The following TWIST2 variants were observed in gnomAD, a reference collection of about 807,000 sequenced individuals.
TWIST2 encodes the protein twist family bHLH transcription factor 2, also known as twist-related protein 2.
A neutral mutation model predicts 11.6 loss-of-function variants in TWIST2; 1 was observed. That is an observed-to-expected ratio of 0.09 (90% CI 0.03 to 0.41). The LOEUF is 0.41. TWIST2 is among the 10% of genes least tolerant of loss of function. TWIST2 has a pLI of 0.98. For missense variants in TWIST2, 168 were observed against 226.4 expected, an observed-to-expected ratio of 0.74 and a Z score of 1.66; for synonymous variants, 87 against 96.6, an observed-to-expected ratio of 0.90 and a Z score of 0.58.
At position 238,848,322 on chromosome 2, in the gene TWIST2, G is replaced by A; in HGVS notation, c.107G>A (p.Ser36Asn). ...CGCTTCGGCCGGAAGCGGCGCTACA[G>A]CAAGAAGTCGAGCGAAGATGGCAGC... ...PKRFGRKRRY[S>N]KKSSEDGSPT... The change falls in exon 1 of 2, where the codon AGC becomes AAC. Residue 36 changes from serine (S) to asparagine (N), a missense_variant. By Grantham distance (46) the Ser-to-Asn change is conservative (BLOSUM62 1). Coordinates refer to ENST00000612363, the MANE Select transcript of TWIST2 (RefSeq NM_001271893.4). 2 of 1,534,684 alleles carry A rather than the reference G, an allele frequency of 1.3e-6. No individual in the cohort carries two copies. The highest frequency in any genetic ancestry group is 1.7e-6 in the Non-Finnish European group (2 of 1,146,156).
At chr2:238,885,276 C>T (rs1485691223) in intron 1 of TWIST2, among the ~76,000 whole-genome samples, 1 of 152,222 alleles carries the variant, frequency 6.6e-6, no homozygotes, top group Non-Finnish European at 1.5e-5. Context: ...TTCCCTCTCT[C>T]CTCCTTCAGT....
At chr2:238,881,279 AT>A (rs906895988) in intron 1 of TWIST2, among the ~76,000 whole-genome samples, 4 of 143,672 alleles carry the variant, frequency 2.8e-5, no homozygotes, top group Non-Finnish European at 6.0e-5. Context: ...TAGTGTTAGC[AT>A]TAGTATTAAT....
At chr2:238,868,323 C>T (rs999097631) in intron 1 of TWIST2, among the ~76,000 whole-genome samples, 2 of 152,210 alleles carry the variant, frequency 1.3e-5, no homozygotes, top group Non-Finnish European at 2.9e-5. Flanking sequence ...CCGGGAGCCC[C>T]CCGCCCCCCA....
At chr2:238,908,008 CACAA>C (rs1195373799) in intron 1 of TWIST2, among the ~76,000 whole-genome samples, 35 of 150,308 alleles carry the variant, frequency 2.3e-4, no homozygotes, top group African/African-American at 5.9e-4. Context: ...GCACCACATA[CACAA>C]ACACATACCA....
intron 1 of TWIST2, among the ~76,000 whole-genome samples, chr2:238,852,345 G>T (rs920986271): frequency 2.0e-5 from 3 of 152,274 alleles, no homozygotes; most frequent in Middle Eastern, 3.4e-3. Flanking sequence ...GTGAATGCAT[G>T]CTGGAATGTC....
chr2:238,902,929 G>C (rs1693292152), intron 1 of TWIST2, among the ~76,000 whole-genome samples: 1 of 1,062 alleles, frequency 9.4e-4, no homozygotes, highest in Non-Finnish European at 2.0e-3. Context: ...TGAGGTGTGT[G>C]TGATGTGGGT....
At chr2:238,880,757 ATAT>A (rs1196956789) in intron 1 of TWIST2, among the ~76,000 whole-genome samples, 2 of 113,026 alleles carry the variant, frequency 1.8e-5, no homozygotes, top group Non-Finnish European at 3.5e-5. Context: ...GTTGGTGTTA[ATAT>A]TAGCATTAGT....
At chr2:238,907,470 G>T (rs990609961) in intron 1 of TWIST2, among the ~76,000 whole-genome samples, 1 of 152,118 alleles carries the variant, frequency 6.6e-6, no homozygotes, top group African/African-American at 2.4e-5. Flanking sequence ...GCCTGAGCGG[G>T]TTCTTTCCCC....
chr2:238,889,687 T>C (rs1437335902), intron 1 of TWIST2, among the ~76,000 whole-genome samples: 1 of 152,246 alleles, frequency 6.6e-6, no homozygotes, highest in Non-Finnish European at 1.5e-5. Flanking sequence ...TACGGCCCCA[T>C]TGCAGTCGTA....
At chr2:238,849,204 T>C (rs1321110370) in intron 1 of TWIST2, among the ~76,000 whole-genome samples, 1 of 152,150 alleles carries the variant, frequency 6.6e-6, no homozygotes, top group Non-Finnish European at 1.5e-5. Context: ...GCTTTCTTCC[T>C]GGGCAAGGGT....
At chr2:238,908,253 C>T (rs1225142465) in intron 1 of TWIST2, among the ~76,000 whole-genome samples, 1 of 149,470 alleles carries the variant, frequency 6.7e-6, no homozygotes, top group Non-Finnish European at 1.5e-5. Context: ...AAACACACAC[C>T]ACATACACCA....
Position 238,848,686 on chromosome 2 carries a change from C to A in TWIST2, c.471C>A (p.Ser157=). The change falls in exon 1 of 2, where the codon TCC becomes TCA. Residue 157 remains serine (S), a synonymous_variant. Coordinates refer to ENST00000612363, the MANE Select transcript of TWIST2 (RefSeq NM_001271893.4). ...VWRMEGAWSM[S]ASH ...GCATGGAGGGCGCGTGGTCCATGTC[C>A]GCCTCCCACTAGCGCCGCGCCACCC... The A allele has an allele frequency of 6.6e-7, 1 of 1,522,470 alleles. No individual in the cohort carries two copies. Among genetic ancestry groups the A allele is most frequent in the Non-Finnish European group, 8.8e-7 (1 of 1,137,680 alleles). The allele number at this position is 1,522,470 out of a possible 1,614,324, so 94.3% of individuals were successfully genotyped here.
intron 1 of TWIST2, among the ~76,000 whole-genome samples, chr2:238,903,219 TTA>T (rs1486035937): frequency 3.1e-3 from 425 of 135,110 alleles, no homozygotes; most frequent in African/African-American, 0.011. Context: ...GATGTGAGGT[TTA>T]TGTGATGGGT....
intron 1 of TWIST2, among the ~76,000 whole-genome samples, chr2:238,895,189 C>T: frequency 1.3e-5 from 2 of 152,360 alleles, no homozygotes; most frequent in Non-Finnish European, 2.9e-5. Flanking sequence ...TTGTAAAGTT[C>T]ACGCCCCTGG....
chr2:238,871,339 A>C (rs1692693760), intron 1 of TWIST2, among the ~76,000 whole-genome samples: 1 of 55,912 alleles, frequency 1.8e-5, no homozygotes, highest in Non-Finnish European at 3.3e-5. Context: ...AACCCCCCAC[A>C]CACCACACCC....
chr2:238,886,591 G>A (rs1356736634), intron 1 of TWIST2, among the ~76,000 whole-genome samples: 1 of 151,758 alleles, frequency 6.6e-6, no homozygotes, highest in African/African-American at 2.4e-5. Context: ...AGCCCCGGGG[G>A]CATGGGAGGT....
chr2:238,858,865 C>T (rs1692377145), intron 1 of TWIST2, among the ~76,000 whole-genome samples: 1 of 152,172 alleles, frequency 6.6e-6, no homozygotes, highest in South Asian at 2.1e-4. Context: ...TGTCCATGAA[C>T]TGAGGATCAG....
intron 1 of TWIST2, among the ~76,000 whole-genome samples, chr2:238,898,792 G>A (rs905304341): frequency 8.5e-5 from 13 of 152,256 alleles, no homozygotes; most frequent in African/African-American, 2.7e-4. Flanking sequence ...CTGGAGGGGA[G>A]GCCCCGGGAG....
At chr2:238,860,199 C>T (rs1692406725) in intron 1 of TWIST2, among the ~76,000 whole-genome samples, 2 of 152,218 alleles carry the variant, frequency 1.3e-5, no homozygotes, top group South Asian at 2.1e-4. Flanking sequence ...TCATGGGATT[C>T]CTGCTCTTCG....
Sources: allele counts gnomAD v4.1 joint callset (sites outside exome capture counted in the v4.1 genomes callset), GRCh38; gene constraint gnomAD v4.1.1; transcripts MANE v1.5; gene names NCBI Gene and HGNC (gene_info 2026-07-23, HGNC 2026-07-21).